NRXN3: variants seen among roughly 807,000 people sequenced by gnomAD.
NRXN3 encodes the protein neurexin 3, also known as neurexin III.
Under a neutral mutation model 137.6 loss-of-function variants are expected in NRXN3, and 32 were observed. The ratio of observed to expected loss-of-function variants is 0.23; its 90% confidence interval spans 0.18 to 0.31. NRXN3 has a LOEUF of 0.31. Ranked by LOEUF, NRXN3 falls within the 10% of genes least tolerant of loss-of-function variation. The pLI, the probability that NRXN3 is intolerant of heterozygous loss-of-function variation, is 1.00. For missense variants in NRXN3, 1,574 were observed against 2,062.5 expected (o/e 0.76, Z 4.59); for synonymous variants, 798 against 784.5 (o/e 1.02, Z -0.29).
intron 15 of NRXN3, among the ~76,000 whole-genome samples, chr14:78,994,774 C>T (rs943923555): frequency 6.6e-6 from 1 of 152,104 alleles, no homozygotes; most frequent in African/African-American, 2.4e-5. Flanking sequence ...GTAATAGGTA[C>T]TTGGTAAATA....
intron 15 of NRXN3, among the ~76,000 whole-genome samples, chr14:79,452,663 A>G (rs1168825784): frequency 1.3e-5 from 2 of 152,214 alleles, no homozygotes; most frequent in Admixed American, 6.5e-5. Context: ...TTTTCTGGGG[A>G]ATAGGCACAC....
At chr14:79,536,073 T>C (rs1348647206) in intron 16 of NRXN3, among the ~76,000 whole-genome samples, 1 of 152,152 alleles carries the variant, frequency 6.6e-6, no homozygotes, top group Non-Finnish European at 1.5e-5. Context: ...GATGAGAGGA[T>C]GGTGTGTTTT....
At chr14:78,438,728 C>A (rs573731865) in intron 4 of NRXN3, among the ~76,000 whole-genome samples, 3 of 151,820 alleles carry the variant, frequency 2.0e-5, no homozygotes, top group African/African-American at 7.3e-5. Context: ...CAATAACACT[C>A]GAGGGCTAAG....
intron 1 of NRXN3, among the ~76,000 whole-genome samples, chr14:78,171,355 T>C (rs2058707889): frequency 6.6e-6 from 1 of 151,716 alleles, no homozygotes; most frequent in African/African-American, 2.4e-5. Flanking sequence ...TGTGTGTGTG[T>C]GTGTGCGCGG....
chr14:79,091,140 T>C (rs2049087557), intron 15 of NRXN3, among the ~76,000 whole-genome samples: 2 of 151,624 alleles, frequency 1.3e-5, no homozygotes. Context: ...CCTTTACCCC[T>C]AAAACATTCT....
intron 19 of NRXN3, among the ~76,000 whole-genome samples, chr14:79,750,392 T>G (rs2098993550): frequency 6.6e-6 from 1 of 152,338 alleles, no homozygotes; most frequent in Non-Finnish European, 1.5e-5. Flanking sequence ...ATTTGCATTC[T>G]TACCAATGTA....
intron 4 of NRXN3, among the ~76,000 whole-genome samples, chr14:78,385,846 C>T (rs2089893795): frequency 6.6e-6 from 1 of 152,118 alleles, no homozygotes; most frequent in Admixed American, 6.5e-5. Context: ...TACAAGGAAG[C>T]ACTTGGTAAA....
chr14:79,494,693 T>G (rs1234719480), intron 16 of NRXN3, among the ~76,000 whole-genome samples: 1 of 152,204 alleles, frequency 6.6e-6, no homozygotes, highest in African/African-American at 2.4e-5. Context: ...AATTTTAGAT[T>G]TGCAGAAAAG....
At chr14:79,227,808 CCCTCCCTT>C (rs1555879167) in intron 15 of NRXN3, among the ~76,000 whole-genome samples, 2 of 79,168 alleles carry the variant, frequency 2.5e-5, no homozygotes, top group African/African-American at 4.4e-5. Flanking sequence ...CTCCCTTCCT[CCCTCCCTT>C]CCTCCCTTCC....
intron 20 of NRXN3, among the ~76,000 whole-genome samples, chr14:79,832,009 C>T (rs949817886): frequency 2.6e-5 from 4 of 152,074 alleles, no homozygotes; most frequent in Admixed American, 1.3e-4. Flanking sequence ...GACACCCCCT[C>T]GCCGCCCTGA....
At chr14:79,803,991 ATG>A (rs1467028099) in intron 19 of NRXN3, among the ~76,000 whole-genome samples, 3 of 142,508 alleles carry the variant, frequency 2.1e-5, no homozygotes, top group African/African-American at 5.4e-5. Flanking sequence ...GTATATATAT[ATG>A]TATGTATGTA....
At chr14:78,305,425 T>A (rs1374596845) in intron 4 of NRXN3, among the ~76,000 whole-genome samples, 3 of 152,184 alleles carry the variant, frequency 2.0e-5, no homozygotes, top group Non-Finnish European at 4.4e-5. Context: ...GAAGCCCTTT[T>A]TGATTTGTTT....
chr14:78,722,151 C>T (rs555619667), intron 8 of NRXN3, among the ~76,000 whole-genome samples: 9 of 152,136 alleles, frequency 5.9e-5, no homozygotes, highest in South Asian at 2.1e-4. Context: ...TTGAAGGTTT[C>T]GAGGTCTAAG....
intron 15 of NRXN3, among the ~76,000 whole-genome samples, chr14:79,365,915 C>T (rs75442167): frequency 2.0e-5 from 3 of 151,782 alleles, no homozygotes; most frequent in Non-Finnish European, 2.9e-5. Context: ...GATCAGACCG[C>T]TTTCTGATTG....
chr14:79,230,954 G>T (rs533217780), intron 15 of NRXN3, among the ~76,000 whole-genome samples: 38 of 152,216 alleles, frequency 2.5e-4, no homozygotes, highest in African/African-American at 8.4e-4. Flanking sequence ...TGCTTCAGAA[G>T]CTATTATGAA....
intron 16 of NRXN3, among the ~76,000 whole-genome samples, chr14:79,659,936 T>C (rs1181245607): frequency 6.6e-6 from 1 of 152,218 alleles, no homozygotes; most frequent in Non-Finnish European, 1.5e-5. Flanking sequence ...CTCATATATT[T>C]ATGTAATGTT....
intron 15 of NRXN3, among the ~76,000 whole-genome samples, chr14:79,149,284 A>G (rs1423257421): frequency 3.3e-5 from 5 of 151,762 alleles, no homozygotes. Context: ...TGGCATCACC[A>G]TTCCATAGCT....
At position 78,705,250 on chromosome 14, in the gene NRXN3, G is replaced by T. The variant is rs535240013; in HGVS notation, c.1222-3967G>T. Among the ~76,000 whole-genome samples the T allele has an allele frequency of 4.6e-5, 7 of 152,348 alleles. No individual in the cohort carries two copies. The South Asian group carries it at 1.5e-3, about 32-fold the overall frequency. On this transcript the variant is annotated intron_variant, in intron 6 of 20. Transcript: ENST00000335750. ...TTCCTATTTCAGCCAGCCATTTGGG[G>T]ACATTCATTTAGTTGACAGTCTGAT...
rs112815972 is a variant in NRXN3 at position 79,660,036 on chromosome 14, A to G, written c.3445-3742A>G. Among the ~76,000 whole-genome samples, 11 of 152,270 alleles carry G rather than the reference A, an allele frequency of 7.2e-5. 1 individual carries two copies. Among genetic ancestry groups the G allele is most frequent in the African/African-American group, 2.6e-4 (11 of 41,570 alleles). ...TACGAAATGCTGATATCCTGTCCTTATAGTGTATTATCAAGAAGTGGCTTC... is the reference window on the plus strand; with the variant it reads ...TACGAAATGCTGATATCCTGTCCTTGTAGTGTATTATCAAGAAGTGGCTTC... On this transcript the variant is annotated intron_variant, in intron 16 of 20. Coordinates refer to ENST00000335750, the MANE Select transcript of NRXN3 (RefSeq NM_001330195.2).
Sources: gnomAD v4.1 joint callset for allele counts (sites outside exome capture counted in the v4.1 genomes callset) on GRCh38, gnomAD v4.1.1 for gene constraint, MANE v1.5 for transcripts, NCBI Gene and HGNC (gene_info 2026-07-23, HGNC 2026-07-21) for gene names.